HMGCLL1: variants seen among roughly 807,000 people sequenced by gnomAD.
The protein encoded by HMGCLL1 is 3-hydroxy-3-methylglutaryl-CoA lyase like 1.
HMGCLL1 carries 36 observed loss-of-function variants against 39.1 expected under a neutral mutation model. That is an observed-to-expected ratio of 0.92 (90% confidence interval 0.71 to 1.22). The LOEUF is 1.22. Among genes scored for constraint, HMGCLL1 ranks in the 50% most tolerant of loss-of-function variants. HMGCLL1 has a pLI of 0.00. For synonymous variants in HMGCLL1, 149 were observed against 144.0 expected, an observed-to-expected ratio of 1.03 and a Z score of -0.25; for missense variants, 451 against 416.5, an observed-to-expected ratio of 1.08 and a Z score of -0.72.
At chr6:55,558,692 C>T (rs1383863762) in intron 1 of HMGCLL1, among the ~76,000 whole-genome samples, 1 of 152,156 alleles carries the variant, frequency 6.6e-6, no homozygotes, top group African/African-American at 2.4e-5. Flanking sequence ...CATACATGGG[C>T]CATCCTGGAG....
chr6:55,504,681 A>T (rs1348258567), intron 5 of HMGCLL1, among the ~76,000 whole-genome samples: 1 of 80,394 alleles, frequency 1.2e-5, no homozygotes, highest in Admixed American at 1.2e-4. Context: ...AATTATTTTT[A>T]AAAATATTTT....
chr6:55,613,515 T>C, the HMGCLL1 span, among the ~76,000 whole-genome samples: 30 of 152,258 alleles, frequency 2.0e-4, no homozygotes, highest in African/African-American at 6.0e-4. Flanking sequence ...TGCAGCACTA[T>C]TCTCAATAGC....
At chr6:55,509,182 G>T (rs1004633381) in intron 5 of HMGCLL1, among the ~76,000 whole-genome samples, 2 of 151,862 alleles carry the variant, frequency 1.3e-5, no homozygotes, top group Admixed American at 6.6e-5. Context: ...ACATAATGAT[G>T]ATTGAATTGT....
chr6:55,471,124 TTATAA>T (rs1212996562), intron 7 of HMGCLL1, among the ~76,000 whole-genome samples: 2 of 151,842 alleles, frequency 1.3e-5, no homozygotes, highest in East Asian at 3.9e-4. Flanking sequence ...CTTTAAAATG[TTATAA>T]TATGATTGGT....
chr6:55,602,410 C>T, the HMGCLL1 span, among the ~76,000 whole-genome samples: 1 of 151,928 alleles, frequency 6.6e-6, no homozygotes, highest in African/African-American at 2.4e-5. Flanking sequence ...TGATGTTTCC[C>T]GCATTTCATA....
intron 7 of HMGCLL1, among the ~76,000 whole-genome samples, chr6:55,452,360 A>G (rs1764135347): frequency 6.6e-6 from 1 of 152,334 alleles, no homozygotes; most frequent in South Asian, 2.1e-4. Flanking sequence ...AAGAGGTGAG[A>G]TGTACAGCAA....
intron 1 of HMGCLL1, among the ~76,000 whole-genome samples, chr6:55,577,493 C>T (rs1015346717): frequency 2.0e-5 from 3 of 152,058 alleles, no homozygotes; most frequent in African/African-American, 7.2e-5. Context: ...CTGATGAATG[C>T]CCCAGAATTT....
intron 7 of HMGCLL1, 46 bp downstream of exon 7, chr6:55,495,373 A>C: frequency 1.4e-6 from 2 of 1,382,052 alleles, no homozygotes; most frequent in Admixed American, 4.4e-5. Context: ...ACAGATAAAG[A>C]TGAACACCCT....
At chr6:55,670,376 C>A in the HMGCLL1 span, among the ~76,000 whole-genome samples, 2 of 151,722 alleles carry the variant, frequency 1.3e-5, no homozygotes, top group African/African-American at 4.8e-5. Flanking sequence ...TCAGACAAAA[C>A]AGAAATTATA....
intron 6 of HMGCLL1, among the ~76,000 whole-genome samples, 192 bp downstream of exon 6, chr6:55,499,044 A>C (rs1766731018): frequency 2.0e-5 from 3 of 152,130 alleles, no homozygotes; most frequent in Non-Finnish European, 1.5e-5. Context: ...AACGTTGAAA[A>C]GTTATAGCCA....
At chr6:55,536,032 A>G (rs1464885507) in intron 3 of HMGCLL1, among the ~76,000 whole-genome samples, 2 of 152,188 alleles carry the variant, frequency 1.3e-5, no homozygotes, top group Non-Finnish European at 1.5e-5. Flanking sequence ...GTAAATCTGA[A>G]TTTTAAACTT....
chr6:55,637,738 G>GTGTGTGTGTA, the HMGCLL1 span, among the ~76,000 whole-genome samples: 1 of 143,326 alleles, frequency 7.0e-6, no homozygotes, highest in Non-Finnish European at 1.5e-5. Flanking sequence ...GTGTGTGTGT[G>GTGTGTGTGTA]TATGTGTCTG....
the HMGCLL1 span, among the ~76,000 whole-genome samples, chr6:55,626,589 G>A: frequency 0.17 from 25,921 of 151,812 alleles, 2,426 homozygotes; most frequent in African/African-American, 0.23. Context: ...TCATGGGTCC[G>A]GGAATCAAGG....
At chr6:55,543,143 ATATATT>A in intron 1 of HMGCLL1, among the ~76,000 whole-genome samples, 1 of 5,256 alleles carries the variant, frequency 1.9e-4, no homozygotes, top group East Asian at 6.8e-3. Context: ...ATGATATATT[ATATATT>A]ATATATATTA....
At chr6:55,543,214 A>G (rs1581925098) in intron 1 of HMGCLL1, among the ~76,000 whole-genome samples, 1 of 14,290 alleles carries the variant, frequency 7.0e-5, no homozygotes. Context: ...TATATTATAT[A>G]TTATATAATA....
At chr6:55,445,114 T>A (rs1258605756) in intron 7 of HMGCLL1, among the ~76,000 whole-genome samples, 1 of 152,060 alleles carries the variant, frequency 6.6e-6, no homozygotes, top group East Asian at 1.9e-4. Flanking sequence ...AAGGCATCAA[T>A]TCCCTTTAAA....
At chr6:55,665,754 G>T in the HMGCLL1 span, among the ~76,000 whole-genome samples, 155 of 151,648 alleles carry the variant, frequency 1.0e-3, no homozygotes, top group Middle Eastern at 3.4e-3. Flanking sequence ...TAACTGAATT[G>T]GTTACATGAG....
At chr6:55,479,840 C>T (rs1372154218) in intron 7 of HMGCLL1, among the ~76,000 whole-genome samples, 2 of 151,656 alleles carry the variant, frequency 1.3e-5, no homozygotes, top group African/African-American at 2.4e-5. Flanking sequence ...ACCCACTAAT[C>T]GAATCCAGAA....
the HMGCLL1 span, among the ~76,000 whole-genome samples, chr6:55,656,429 G>A: frequency 6.8e-4 from 104 of 151,996 alleles, no homozygotes; most frequent in African/African-American, 2.4e-3. Flanking sequence ...CAGCTCCCAT[G>A]CAGTTATGTG....
Sources: gnomAD v4.1 joint callset for allele counts (sites outside exome capture counted in the v4.1 genomes callset) on GRCh38, gnomAD v4.1.1 for gene constraint, MANE v1.5 for transcripts, NCBI Gene and HGNC (gene_info 2026-07-23, HGNC 2026-07-21) for gene names.